The following UTRN variants were observed in gnomAD, a reference collection of about 807,000 sequenced individuals.
UTRN encodes the protein dystrophin-related protein 1.
A neutral mutation model predicts 463.9 loss-of-function variants in UTRN; 283 were observed. The observed-to-expected ratio is 0.61, with a 90% CI of 0.55 to 0.67. The LOEUF is 0.67. UTRN is among the 30% of genes least tolerant of loss of function. UTRN has a pLI of 0.00. For synonymous variants in UTRN, 1,442 were observed against 1,431.5 expected (o/e 1.01, Z -0.17); for missense variants, 3,922 against 4,084.3 (o/e 0.96, Z 1.08).
chr6:144,362,280 C>G (rs1312111907), intron 2 of UTRN, among the ~76,000 whole-genome samples: 1 of 152,116 alleles, frequency 6.6e-6, no homozygotes, highest in Non-Finnish European at 1.5e-5. Context: ...CCCGCCCATC[C>G]GGTGGCACCC....
At chr6:144,732,299 C>CACAT (rs1554360248) in intron 54 of UTRN, among the ~76,000 whole-genome samples, 3 of 128,718 alleles carry the variant, frequency 2.3e-5, no homozygotes, top group Non-Finnish European at 4.7e-5. Flanking sequence ...TATATATACA[C>CACAT]ATATATATAT....
chr6:144,581,488 C>A (rs1335822865), intron 51 of UTRN, among the ~76,000 whole-genome samples: 1 of 152,118 alleles, frequency 6.6e-6, no homozygotes, highest in Admixed American at 6.6e-5. Context: ...ACACTTTTAT[C>A]TCCTATGTTT....
intron 51 of UTRN, among the ~76,000 whole-genome samples, chr6:144,641,494 G>T (rs1005284140): frequency 6.6e-6 from 1 of 152,164 alleles, no homozygotes; most frequent in Non-Finnish European, 1.5e-5. Context: ...TGTTAATGCT[G>T]GAGGGGTGTA....
intron 2 of UTRN, among the ~76,000 whole-genome samples, chr6:144,296,796 G>A (rs1804753007): frequency 6.6e-6 from 1 of 152,158 alleles, no homozygotes; most frequent in South Asian, 2.1e-4. Context: ...TTTCAGGGGT[G>A]GGACCCTGGA....
At chr6:144,293,121 G>A (rs901071063) in intron 2 of UTRN, among the ~76,000 whole-genome samples, 1 of 151,968 alleles carries the variant, frequency 6.6e-6, no homozygotes, top group Non-Finnish European at 1.5e-5. Context: ...AGTGGTATAA[G>A]GTACTACAAA....
At chr6:144,450,284 G>T (rs1458498251) in intron 17 of UTRN, among the ~76,000 whole-genome samples, 2 of 152,128 alleles carry the variant, frequency 1.3e-5, no homozygotes, top group Non-Finnish European at 2.9e-5. Context: ...AATATGTCCT[G>T]CAGGGCCTTC....
intron 2 of UTRN, among the ~76,000 whole-genome samples, chr6:144,399,196 A>G: frequency 6.6e-6 from 1 of 152,176 alleles, no homozygotes; most frequent in South Asian, 2.1e-4. Context: ...ACAGATTATT[A>G]TATAATATTT....
chr6:144,348,002 C>T (rs1402757617), intron 2 of UTRN, among the ~76,000 whole-genome samples: 1 of 151,932 alleles, frequency 6.6e-6, no homozygotes, highest in Admixed American at 6.6e-5. Context: ...TGCTCCCATA[C>T]CTGGCTAATT....
chr6:144,582,032 G>A (rs1281100677), intron 51 of UTRN, among the ~76,000 whole-genome samples: 2 of 148,842 alleles, frequency 1.3e-5, no homozygotes, highest in Non-Finnish European at 3.0e-5. Context: ...GGACCTGCAG[G>A]GAAAAAAGAT....
intron 60 of UTRN, among the ~76,000 whole-genome samples, chr6:144,775,536 G>C (rs985116481): frequency 6.6e-6 from 1 of 152,164 alleles, no homozygotes; most frequent in Admixed American, 6.5e-5. Flanking sequence ...TCTGGCTACT[G>C]ATCAGTATGT....
intron 2 of UTRN, among the ~76,000 whole-genome samples, chr6:144,357,659 T>G (rs1482039591): frequency 1.3e-5 from 2 of 152,276 alleles, no homozygotes; most frequent in Non-Finnish European, 2.9e-5. Context: ...CCCCCCACTT[T>G]AGAATCACTG....
chr6:144,724,151 A>T (rs1787559650), intron 53 of UTRN, among the ~76,000 whole-genome samples: 1 of 151,352 alleles, frequency 6.6e-6, no homozygotes, highest in African/African-American at 2.4e-5. Flanking sequence ...TTACCCATTT[A>T]AAGTGTGCAA....
chr6:144,718,097 G>C (rs2128707338), intron 53 of UTRN, among the ~76,000 whole-genome samples: 1 of 152,308 alleles, frequency 6.6e-6, no homozygotes, highest in East Asian at 1.9e-4. Flanking sequence ...CTACAAGTAA[G>C]AGTGAATAGA....
chr6:144,811,841 A>G (rs1392175119), intron 65 of UTRN, among the ~76,000 whole-genome samples: 2 of 152,064 alleles, frequency 1.3e-5, no homozygotes, highest in Non-Finnish European at 2.9e-5. Context: ...ACTGGTTTCT[A>G]TATTTAAGAA....
chr6:144,447,886 C>T, intron 16 of UTRN, 105 bp downstream of exon 16: 1 of 1,150,744 alleles, frequency 8.7e-7, no homozygotes, highest in Non-Finnish European at 1.2e-6. Flanking sequence ...AAGTTGTTTC[C>T]TTACACCTGA....
chr6:144,528,774 T>C (rs1033784336), intron 41 of UTRN, among the ~76,000 whole-genome samples: 1 of 152,194 alleles, frequency 6.6e-6, no homozygotes, highest in Admixed American at 6.5e-5. Flanking sequence ...TTTCTGTTGG[T>C]TGGCCCCCAG....
At chr6:144,712,826 A>G (rs1785885127) in intron 53 of UTRN, among the ~76,000 whole-genome samples, 1 of 152,244 alleles carries the variant, frequency 6.6e-6, no homozygotes, top group Non-Finnish European at 1.5e-5. Flanking sequence ...TTGAGCTGAA[A>G]GATGCCTTGG....
chr6:144,556,687 A>G (rs1037117429), intron 49 of UTRN, among the ~76,000 whole-genome samples: 5 of 152,180 alleles, frequency 3.3e-5, no homozygotes, highest in South Asian at 2.1e-4. Flanking sequence ...CTTGCTTGGC[A>G]GCTTGATCCA....
At chr6:144,700,469 A>G (rs1784474427) in intron 53 of UTRN, among the ~76,000 whole-genome samples, 1 of 152,180 alleles carries the variant, frequency 6.6e-6, no homozygotes, top group Non-Finnish European at 1.5e-5. Context: ...CAGTATCTGA[A>G]GTATAATATT....
Sources: allele counts gnomAD v4.1 joint callset (sites outside exome capture counted in the v4.1 genomes callset), GRCh38; gene constraint gnomAD v4.1.1; transcripts MANE v1.5; gene names NCBI Gene and HGNC (gene_info 2026-07-23, HGNC 2026-07-21).